USP32: variants seen among roughly 807,000 people sequenced by gnomAD.
USP32 encodes ubiquitin carboxyl-terminal hydrolase 32.
USP32 carries 59 observed loss-of-function variants against 204.8 expected under a neutral mutation model. That is an observed-to-expected ratio of 0.29 (90% CI 0.23 to 0.36). The LOEUF is 0.36. USP32 is among the 10% of genes least tolerant of loss of function. The pLI is 1.00. For synonymous variants in USP32, 517 were observed against 678.4 expected, an observed-to-expected ratio of 0.76 and a Z score of 3.70; for missense variants, 1,160 against 1,946.4, an observed-to-expected ratio of 0.60 and a Z score of 7.60.
At chr17:60,310,767 G>A (rs979650868) in intron 2 of USP32, among the ~76,000 whole-genome samples, 1 of 152,164 alleles carries the variant, frequency 6.6e-6, no homozygotes, top group Non-Finnish European at 1.5e-5. Flanking sequence ...CAGGTGTGGT[G>A]GTTCACGCCT....
rs553292989 is a variant in USP32, at chr17:60,232,322, G to A, written c.1239+3816C>T. On this transcript the variant is annotated intron_variant, in intron 12 of 33. Transcript: ENST00000300896. ...CAAGTAGCTGGAACTGCAGGCACAC[G>A]CCACCACGCCAGGCTAATTTTTATA... is the stretch of plus-strand genomic sequence containing the variant. Among the ~76,000 whole-genome samples the A allele has an allele frequency of 3.3e-5, 5 of 150,684 alleles. No homozygotes were observed. In the South Asian group the frequency reaches 8.4e-4, roughly 25 times the overall value.
At chr17:60,366,864 C>T (rs2089325149) in intron 1 of USP32, among the ~76,000 whole-genome samples, 1 of 151,888 alleles carries the variant, frequency 6.6e-6, no homozygotes, top group African/African-American at 2.4e-5. Flanking sequence ...GCTCTGTCAC[C>T]CAGGCTGGAG....
At chr17:60,257,459 G>A (rs1023980923) in intron 9 of USP32, among the ~76,000 whole-genome samples, 2 of 152,090 alleles carry the variant, frequency 1.3e-5, no homozygotes, top group African/African-American at 4.8e-5. Context: ...TGGAGAGAGG[G>A]TTAGCATTTC....
At chr17:60,346,631 ATCTC>A (rs1458934558) in intron 1 of USP32, among the ~76,000 whole-genome samples, 1 of 152,222 alleles carries the variant, frequency 6.6e-6, no homozygotes, top group Non-Finnish European at 1.5e-5. Flanking sequence ...ATATGGAACA[ATCTC>A]TATCTACAAG....
chr17:60,342,757 G>C (rs767559855), intron 2 of USP32, among the ~76,000 whole-genome samples: 3 of 152,232 alleles, frequency 2.0e-5, no homozygotes, highest in Non-Finnish European at 4.4e-5. Context: ...AATCTCCTCT[G>C]CTGGTTGCTA....
chr17:60,321,278 T>C (rs1264748855), intron 2 of USP32, among the ~76,000 whole-genome samples: 3 of 152,144 alleles, frequency 2.0e-5, no homozygotes, highest in African/African-American at 7.2e-5. Context: ...GTGGTACACA[T>C]ATGGGACAGA....
At chr17:60,210,911 A>C (rs1303347237) in intron 21 of USP32, 102 bp downstream of exon 21, 1 of 1,449,678 alleles carries the variant, frequency 6.9e-7, no homozygotes, top group Admixed American at 2.8e-5. Flanking sequence ...GGATCCAAAA[A>C]CATTTATTAA....
chr17:60,300,542 TA>T (rs796976196), intron 3 of USP32, among the ~76,000 whole-genome samples: 4 of 152,128 alleles, frequency 2.6e-5, no homozygotes, highest in African/African-American at 9.7e-5. Flanking sequence ...TTTCTGAAGT[TA>T]AAAGTAAAAC....
intron 5 of USP32, among the ~76,000 whole-genome samples, chr17:60,279,118 A>G (rs1173374064): frequency 6.6e-6 from 1 of 152,226 alleles, no homozygotes; most frequent in East Asian, 1.9e-4. Context: ...CTGACTCAAC[A>G]TCATCATCGA....
At chr17:60,203,722 G>A (rs575105707) in intron 26 of USP32, among the ~76,000 whole-genome samples, 10 of 152,190 alleles carry the variant, frequency 6.6e-5, no homozygotes, top group East Asian at 3.9e-4. Context: ...GACTACCGGC[G>A]TGTGCCACCA....
intron 1 of USP32, among the ~76,000 whole-genome samples, chr17:60,375,417 T>C (rs1258769636): frequency 6.6e-6 from 1 of 152,230 alleles, no homozygotes; most frequent in Non-Finnish European, 1.5e-5. Flanking sequence ...TCTATCTTAG[T>C]AATTTTCATC....
In USP32 at chr17:60,370,048, A is replaced by AT. The variant is rs960434333; in HGVS notation, c.58+21833dup. ...GCCAGCGTGCACAGCCTACAAAATA[A>AT]TTTTTTTTTTTTTTGAGACAGAGTT... On this transcript the variant is annotated intron_variant, in intron 1 of 33. Transcript: ENST00000300896. 9.3e-3 allele frequency among the ~76,000 whole-genome samples: 1,353 copies of AT among 145,760 alleles called. 25 individuals are homozygous for AT. Among genetic ancestry groups the AT allele is most frequent in the East Asian group, 0.066 (330 of 5,024 alleles).
intron 14 of USP32, 124 bp downstream of exon 14, chr17:60,223,287 G>A: frequency 1.3e-6 from 1 of 750,332 alleles, no homozygotes; most frequent in Non-Finnish European, 2.2e-6. Flanking sequence ...ACAAAGAGAT[G>A]TCCATCTATA....
intron 4 of USP32, 90 bp downstream of exon 4, chr17:60,294,593 C>T: frequency 1.4e-6 from 1 of 734,246 alleles, no homozygotes; most frequent in Non-Finnish European, 2.2e-6. Context: ...TGCACATAAA[C>T]ATCTGTTTGT....
At chr17:60,362,504 A>G (rs1438679830) in intron 1 of USP32, among the ~76,000 whole-genome samples, 1 of 152,256 alleles carries the variant, frequency 6.6e-6, no homozygotes, top group Admixed American at 6.5e-5. Context: ...CCACAAGAAC[A>G]GAACATAAAT....
rs1293211673 is a variant in USP32 at position 60,373,210 on chromosome 17, C to A, written c.58+18672G>T. Among the ~76,000 whole-genome samples, 4 of 151,858 alleles carry A rather than the reference C, an allele frequency of 2.6e-5. No individual in the cohort carries two copies. The East Asian group carries it at 5.8e-4, about 22-fold the overall frequency. On this transcript the variant is annotated intron_variant, in intron 1 of 33. Transcript: ENST00000300896. The stretch of plus-strand genomic sequence containing the variant: ...CCTGTCTCGAGACAAAACTAAAAAT[C>A]TTTTTTTAAAAAAGGTACACCTATA...
chr17:60,249,889 A>G, intron 11 of USP32: 1 of 480,606 alleles, frequency 2.1e-6, no homozygotes, highest in Non-Finnish European at 3.7e-6. Flanking sequence ...TAAGTTAGAG[A>G]CAAATATTTG....
Position 60,392,038 on chromosome 17 carries a change from G to C in USP32, c.-99C>G. 1 of 1,391,078 alleles carries C rather than the reference G, an allele frequency of 7.2e-7. No individual in the cohort carries two copies. The highest frequency in any genetic ancestry group is 9.8e-7 in the Non-Finnish European group (1 of 1,022,566). The allele number at this position is 1,391,078 out of a possible 1,614,324, so 86.2% of individuals were successfully genotyped here. The stretch of plus-strand genomic sequence containing the variant: ...TCCCTGGGTGACGGTGACGGTGTCG[G>C]CGTCCCCCGCCCCCACCTCCCCCCA... On this transcript the variant is annotated 5_prime_UTR_variant, in exon 1 of 34. Coordinates refer to ENST00000300896, the MANE Select transcript of USP32 (RefSeq NM_032582.4).
At chr17:60,382,340 T>TA (rs2089659608) in intron 1 of USP32, among the ~76,000 whole-genome samples, 1 of 152,156 alleles carries the variant, frequency 6.6e-6, no homozygotes, top group African/African-American at 2.4e-5. Flanking sequence ...CTGCAAAATT[T>TA]AAAAAAATTA....
Sources: allele counts gnomAD v4.1 joint callset (sites outside exome capture counted in the v4.1 genomes callset), GRCh38; gene constraint gnomAD v4.1.1; transcripts MANE v1.5; gene names NCBI Gene and HGNC (gene_info 2026-07-23, HGNC 2026-07-21).